Variants in SPIDR observed in about 807,000 individuals in gnomAD.
SPIDR encodes the protein DNA repair-scaffolding protein.
A neutral mutation model predicts 104.6 loss-of-function variants in SPIDR; 93 were observed. That is an observed-to-expected ratio of 0.89 (90% CI 0.75 to 1.06). SPIDR has a LOEUF of 1.06. Ranked by LOEUF, SPIDR falls within the 50% of genes least tolerant of loss-of-function variation. SPIDR has a pLI of 0.00. For missense variants in SPIDR, 1,154 were observed against 1,111.2 expected (o/e 1.04, Z -0.55); for synonymous variants, 431 against 416.9 (o/e 1.03, Z -0.41).
chr8:47,417,238 C>T (rs1310169005), intron 7 of SPIDR, among the ~76,000 whole-genome samples: 3 of 152,184 alleles, frequency 2.0e-5, no homozygotes, highest in African/African-American at 4.8e-5. Context: ...TTTACAGTCC[C>T]ACCAACAGCG....
intron 5 of SPIDR, among the ~76,000 whole-genome samples, chr8:47,367,357 C>A (rs188918981): frequency 2.0e-5 from 3 of 152,284 alleles, no homozygotes; most frequent in Admixed American, 2.0e-4. Context: ...CTCCAGAGCT[C>A]CCAGAGGAGA....
intron 8 of SPIDR, among the ~76,000 whole-genome samples, chr8:47,503,338 A>G (rs866100035): frequency 5.9e-5 from 9 of 152,136 alleles, no homozygotes; most frequent in South Asian, 2.1e-4. Flanking sequence ...GGGTGCATAT[A>G]TATTTAGGAT....
At chr8:47,542,938 T>G (rs1183513918) in intron 8 of SPIDR, among the ~76,000 whole-genome samples, 2 of 152,250 alleles carry the variant, frequency 1.3e-5, no homozygotes, top group Non-Finnish European at 2.9e-5. Flanking sequence ...TGGAATCATA[T>G]AGTTTGTAAC....
intron 1 of SPIDR, among the ~76,000 whole-genome samples, chr8:47,264,960 A>G (rs1554545494): frequency 2.6e-5 from 4 of 152,176 alleles, no homozygotes; most frequent in African/African-American, 9.7e-5. Flanking sequence ...TACATCCTCT[A>G]CTGCTTTGTC....
chr8:47,272,043 C>T (rs898129926), intron 1 of SPIDR, among the ~76,000 whole-genome samples: 1 of 152,098 alleles, frequency 6.6e-6, no homozygotes, highest in Non-Finnish European at 1.5e-5. Context: ...GGCACGATCT[C>T]GGTTCACTGC....
At chr8:47,660,196 C>T (rs943004749) in intron 10 of SPIDR, among the ~76,000 whole-genome samples, 13 of 152,026 alleles carry the variant, frequency 8.6e-5, no homozygotes, top group African/African-American at 2.9e-4. Context: ...TGTTCTGTTG[C>T]CTTTACAGAT....
At chr8:47,302,028 CCTG>C (rs1454344277) in intron 5 of SPIDR, among the ~76,000 whole-genome samples, 2 of 137,872 alleles carry the variant, frequency 1.5e-5, no homozygotes, top group African/African-American at 5.5e-5. Context: ...TGGATAATAT[CCTG>C]CAGAGTGTTT....
intron 3 of SPIDR, among the ~76,000 whole-genome samples, chr8:47,286,191 A>G (rs975958822): frequency 4.7e-4 from 72 of 152,272 alleles, no homozygotes; most frequent in Non-Finnish European, 9.4e-4. Flanking sequence ...CTAATGGTGA[A>G]AGCAACTGCA....
chr8:47,718,594 C>T (rs1281705719), intron 16 of SPIDR, among the ~76,000 whole-genome samples: 1 of 151,540 alleles, frequency 6.6e-6, no homozygotes, highest in African/African-American at 2.4e-5. Context: ...AGATGAATTA[C>T]TATCCTCATG....
At chr8:47,411,365 C>G (rs200693807) in intron 7 of SPIDR, among the ~76,000 whole-genome samples, 2 of 152,214 alleles carry the variant, frequency 1.3e-5, no homozygotes, top group East Asian at 1.9e-4. Context: ...ACTGGTGTGA[C>G]ATGGTATCTC....
At chr8:47,624,895 G>C (rs2065800478) in intron 10 of SPIDR, among the ~76,000 whole-genome samples, 1 of 152,122 alleles carries the variant, frequency 6.6e-6, no homozygotes, top group Non-Finnish European at 1.5e-5. Flanking sequence ...TATGAGGCCG[G>C]CATCATCCTG....
chr8:47,449,605 C>T (rs1349061259), intron 8 of SPIDR, among the ~76,000 whole-genome samples: 1 of 152,084 alleles, frequency 6.6e-6, no homozygotes, highest in Non-Finnish European at 1.5e-5. Flanking sequence ...TCTGTTGGGA[C>T]AACAAGGAAT....
Position 47,700,389 on chromosome 8 carries a change from T to G in SPIDR, c.1686-14T>G. 3 of 1,614,188 alleles carry G rather than the reference T, an allele frequency of 1.9e-6. No homozygotes were observed. The highest frequency in any genetic ancestry group is 2.5e-6 in the Non-Finnish European group (3 of 1,180,012). On this transcript the variant is annotated splice_polypyrimidine_tract_variant and intron_variant, in intron 11 of 19. Coordinates refer to ENST00000297423, the MANE Select transcript of SPIDR (RefSeq NM_001080394.4). ...ATGTCTGATGATGAATACCTTTGAC[T>G]TTTCTTGTTCCAGGACAGCGGGGAT...
At chr8:47,463,841 G>A (rs2074338371) in intron 8 of SPIDR, among the ~76,000 whole-genome samples, 1 of 152,070 alleles carries the variant, frequency 6.6e-6, no homozygotes, top group South Asian at 2.1e-4. Flanking sequence ...CAACAAACTG[G>A]GAACATAAGA....
chr8:47,575,947 G>A (rs769220037), intron 8 of SPIDR, among the ~76,000 whole-genome samples: 11 of 148,994 alleles, frequency 7.4e-5, no homozygotes, highest in African/African-American at 1.2e-4. Context: ...GCGACAGAGC[G>A]AGATTCCTTT....
At chr8:47,635,533 T>C (rs2067772377) in intron 10 of SPIDR, among the ~76,000 whole-genome samples, 1 of 151,934 alleles carries the variant, frequency 6.6e-6, no homozygotes, top group Non-Finnish European at 1.5e-5. Context: ...ATAAATAAAC[T>C]GTGGAAGAAC....
intron 8 of SPIDR, chr8:47,527,321 T>A (rs2085173373): frequency 6.6e-6 from 1 of 152,174 alleles, no homozygotes; most frequent in South Asian, 2.1e-4. Context: ...CCTTCCTGTT[T>A]CTCTGGGGAG....
At chr8:47,307,453 A>G (rs1227915328) in intron 5 of SPIDR, among the ~76,000 whole-genome samples, 1 of 149,374 alleles carries the variant, frequency 6.7e-6, no homozygotes, top group Non-Finnish European at 1.5e-5. Context: ...TCCTGACCTC[A>G]GGTGATCCAC....
chr8:47,565,552 CT>C (rs2154403226), intron 8 of SPIDR, among the ~76,000 whole-genome samples: 1 of 151,770 alleles, frequency 6.6e-6, no homozygotes, highest in African/African-American at 2.4e-5. Flanking sequence ...TAGTTTATAC[CT>C]TTTAAAAATG....
Sources: gnomAD v4.1 joint callset for allele counts (sites outside exome capture counted in the v4.1 genomes callset) on GRCh38, gnomAD v4.1.1 for gene constraint, MANE v1.5 for transcripts, NCBI Gene and HGNC (gene_info 2026-07-23, HGNC 2026-07-21) for gene names.